PPP2R1A: variants seen among roughly 807,000 people sequenced by gnomAD.
The protein encoded by PPP2R1A is protein phosphatase 2 scaffold subunit Aalpha, also known as serine/threonine-protein phosphatase 2A 65 kDa regulatory subunit A alpha isoform.
Under a neutral mutation model 67.1 loss-of-function variants are expected in PPP2R1A, and 15 were observed. The observed-to-expected ratio is 0.22, with a 90% CI of 0.15 to 0.34. PPP2R1A has a LOEUF of 0.34. Ranked by LOEUF, PPP2R1A falls within the 10% of genes least tolerant of loss-of-function variation. The probability of loss-of-function intolerance (pLI) is 1.00; values close to 1 mark genes in which losing one functional copy is unlikely to be tolerated. For missense variants in PPP2R1A, 369 were observed against 775.0 expected (o/e 0.48, Z 6.22); for synonymous variants, 337 against 325.0 (o/e 1.04, Z -0.40).
At chr19:52,201,870 G>C in intron 1 of PPP2R1A, 74 bp from the exon 2 acceptor site, 1 of 1,405,864 alleles carries the variant, frequency 7.1e-7, no homozygotes, top group Non-Finnish European at 1.0e-6. Context: ...GGCTGACTGG[G>C]TTGAGAGCTG....
intron 3 of PPP2R1A, among the ~76,000 whole-genome samples, chr19:52,210,497 T>TC (rs995633730): frequency 1.8e-4 from 27 of 149,450 alleles, no homozygotes; most frequent in Admixed American, 2.7e-4. Context: ...TTTTTTTTTT[T>TC]TTTTTTTCTT....
At chr19:52,201,613 C>A (rs2089549918) in intron 1 of PPP2R1A, 1 of 283,168 alleles carries the variant, frequency 3.5e-6, no homozygotes, top group Middle Eastern at 4.3e-4. Context: ...TTACATGATA[C>A]TGTGTATAGG....
intron 1 of PPP2R1A, among the ~76,000 whole-genome samples, chr19:52,197,120 A>C (rs1343075216): frequency 6.6e-6 from 1 of 152,088 alleles, no homozygotes; most frequent in East Asian, 1.9e-4. Flanking sequence ...TGGATGGCAA[A>C]AATAACATCT....
chr19:52,199,151 TTTATG>T (rs1266872752), intron 1 of PPP2R1A, among the ~76,000 whole-genome samples: 2 of 152,004 alleles, frequency 1.3e-5, no homozygotes, highest in African/African-American at 2.4e-5. Flanking sequence ...CCCACAGTAT[TTTATG>T]TTATTTTATT....
At chr19:52,194,878 T>C (rs1171657756) in intron 1 of PPP2R1A, among the ~76,000 whole-genome samples, 1 of 152,156 alleles carries the variant, frequency 6.6e-6, no homozygotes, top group Non-Finnish European at 1.5e-5. Flanking sequence ...AAATGGGGCA[T>C]CTGGGGAACC....
chr19:52,224,494 G>T (rs1375731184), intron 13 of PPP2R1A, among the ~76,000 whole-genome samples: 1 of 152,166 alleles, frequency 6.6e-6, no homozygotes, highest in East Asian at 1.9e-4. Context: ...ATTTAGCTCT[G>T]TATTCACTCC....
chr19:52,193,683 C>T (rs1021450594), intron 1 of PPP2R1A, among the ~76,000 whole-genome samples: 1 of 152,142 alleles, frequency 6.6e-6, no homozygotes, highest in Non-Finnish European at 1.5e-5. Flanking sequence ...GATTCTCCTG[C>T]CTCAGCCTCC....
chr19:52,218,469 G>A (rs1375284421), intron 9 of PPP2R1A, among the ~76,000 whole-genome samples: 1 of 152,202 alleles, frequency 6.6e-6, no homozygotes, highest in East Asian at 1.9e-4. Flanking sequence ...ATTAGTGGGT[G>A]ATTAACTGTA....
At position 52,219,864 on chromosome 19, in the gene PPP2R1A, G is replaced by A; in HGVS notation, c.1302G>A (p.Leu434=). ...IEYMPLLAGQ[L]GVEFFDEKLN... ...ACATGCCCCTCCTGGCTGGACAGCT[G>A]GTGAGTGAGGAGGCCTGGGGGCCAG... is the stretch of plus-strand genomic sequence containing the variant. Residue 434 remains leucine, a splice_region_variant and synonymous_variant, in exon 10 of 15, where the codon CTG becomes CTA. Coordinates refer to ENST00000322088, the MANE Select transcript of PPP2R1A (RefSeq NM_014225.6). The surrounding 1 kb of genome is among the most constrained non-coding windows in gnomAD (Gnocchi z 4.0). 1 of 1,609,082 alleles carries A rather than the reference G, an allele frequency of 6.2e-7. No individual in the cohort carries two copies. The highest frequency in any genetic ancestry group is 8.5e-7 in the Non-Finnish European group (1 of 1,178,480).
chr19:52,227,837 AC>A lies in PPP2R1A; in HGVS notation c.*1857del, dbSNP rs1285622554. 1 of 152,130 alleles carries A rather than the reference AC, an allele frequency of 6.6e-6. No individual in the cohort carries two copies. The highest frequency in any genetic ancestry group is 1.5e-5 in the Non-Finnish European group (1 of 68,022). 9.4% of individuals were successfully genotyped at this position (152,130 alleles called of 1,614,324 possible). On this transcript the variant is annotated 3_prime_UTR_variant, in exon 15 of 15. Transcript: ENST00000322088. Reference sequence around the variant, plus strand: ...ACCAAACGTCAAAGTCTGACATTAAACTTTGACTTTCCCCATGGTTAACGCT... The same window carrying A: ...ACCAAACGTCAAAGTCTGACATTAAATTTGACTTTCCCCATGGTTAACGCT...
chr19:52,194,570 C>T (rs2089481831), intron 1 of PPP2R1A, among the ~76,000 whole-genome samples: 1 of 151,700 alleles, frequency 6.6e-6, no homozygotes, highest in Non-Finnish European at 1.5e-5. Context: ...CCAGTGTTAG[C>T]ATGCAGGGGG....
At chr19:52,215,948 G>A in intron 7 of PPP2R1A, 55 bp downstream of exon 7, 2 of 1,609,618 alleles carry the variant, frequency 1.2e-6, no homozygotes, top group Non-Finnish European at 1.7e-6. Flanking sequence ...AGGGGCTGGA[G>A]GTGGAACTAG....
intron 9 of PPP2R1A, among the ~76,000 whole-genome samples, chr19:52,217,699 A>C (rs914058100): frequency 1.3e-5 from 2 of 152,042 alleles, no homozygotes; most frequent in African/African-American, 4.8e-5. Context: ...TCTCTCTCTC[A>C]TAACAGTCTA....
intron 1 of PPP2R1A, among the ~76,000 whole-genome samples, chr19:52,197,295 T>A (rs527259629): frequency 3.7e-4 from 57 of 152,278 alleles, no homozygotes; most frequent in African/African-American, 1.3e-3. Context: ...CTTCTAGTGT[T>A]GTTTATGTTC....
chr19:52,211,183 A>G lies in PPP2R1A; in HGVS notation c.271-77A>G. 2 of 1,387,172 alleles carry G rather than the reference A, an allele frequency of 1.4e-6. No homozygotes were observed. The highest frequency in any genetic ancestry group is 1.3e-5 in the South Asian group (1 of 79,648). 85.9% of individuals were successfully genotyped at this position (1,387,172 alleles called of 1,614,324 possible). ...TTTTCTCTGAGGAGATGAGCCCATGATGGGGTGCAGGATGGGGCTCCAGGG... is the reference window on the plus strand; with the variant it reads ...TTTTCTCTGAGGAGATGAGCCCATGGTGGGGTGCAGGATGGGGCTCCAGGG... On this transcript the variant is annotated intron_variant, in intron 3 of 14. Transcript: ENST00000322088. The surrounding 1 kb of genome is among the most constrained non-coding windows in gnomAD (Gnocchi z 5.3).
In PPP2R1A at chr19:52,226,412, A is replaced by G. The variant is rs1428340895; in HGVS notation, c.*431A>G. On this transcript the variant is annotated 3_prime_UTR_variant, in exon 15 of 15. Coordinates refer to ENST00000322088, the MANE Select transcript of PPP2R1A (RefSeq NM_014225.6). The stretch of plus-strand genomic sequence containing the variant: ...CCTTTTCACAGAGAAATAAAGGTCT[A>G]GAAGTAGTTGGTCCTCTGGCCTTAG... The G allele has an allele frequency of 7.1e-6, 2 of 280,914 alleles. No individual in the cohort carries two copies. Among genetic ancestry groups the G allele is most frequent in the South Asian group, 9.7e-5 (1 of 10,282 alleles). The allele number at this position is 280,914 out of a possible 1,614,324, so 17.4% of individuals were successfully genotyped here.
At position 52,229,013 on chromosome 19, in the gene PPP2R1A, G is replaced by T. The variant is rs1979415299; in HGVS notation, c.*3032G>T. The T allele has an allele frequency of 6.6e-6, 1 of 152,258 alleles. No individual in the cohort carries two copies. Among genetic ancestry groups the T allele is most frequent in the Non-Finnish European group, 1.5e-5 (1 of 68,108 alleles). The allele number at this position is 152,258 out of a possible 1,614,324, so 9.4% of individuals were successfully genotyped here. A position where few individuals can be genotyped will look rare whatever the true frequency, so the allele number is the denominator to read the frequency against. On this transcript the variant is annotated 3_prime_UTR_variant, in exon 15 of 15. Transcript: ENST00000322088. The stretch of plus-strand genomic sequence containing the variant: ...AGAATTACCATGGCTCCCCCGGGCA[G>T]ATGAAGATGACGAGGTGGTGCCTCA...
At chr19:52,203,013 A>G (rs2089566965) in intron 2 of PPP2R1A, among the ~76,000 whole-genome samples, 1 of 152,192 alleles carries the variant, frequency 6.6e-6, no homozygotes, top group Admixed American at 6.5e-5. Context: ...CATTATTCCC[A>G]TTACTACTTC....
intron 1 of PPP2R1A, 56 bp downstream of exon 1, chr19:52,190,230 G>A (rs1203426688): frequency 2.6e-6 from 4 of 1,524,448 alleles, no homozygotes; most frequent in Non-Finnish European, 3.5e-6. Flanking sequence ...GGGGGCACGG[G>A]CGGCCCTCGC....
Sources: allele counts gnomAD v4.1 joint callset (sites outside exome capture counted in the v4.1 genomes callset), GRCh38; gene constraint gnomAD v4.1.1; non-coding constraint Gnocchi (gnomAD v3.1); transcripts MANE v1.5; gene names NCBI Gene and HGNC (gene_info 2026-07-23, HGNC 2026-07-21).